MAPK14: variants seen among roughly 807,000 people sequenced by gnomAD.
The protein encoded by MAPK14 is mitogen-activated protein kinase 14, also known as CSAID-binding protein.
Under a neutral mutation model 49.6 loss-of-function variants are expected in MAPK14, and 16 were observed. The observed-to-expected ratio is 0.32, with a 90% CI of 0.22 to 0.49. The LOEUF (loss-of-function observed/expected upper bound fraction) is 0.49, where lower values mean the gene tolerates loss of function less well. Among genes scored for constraint, MAPK14 ranks in the 20% least tolerant of loss-of-function variants. The pLI is 0.99. For missense variants in MAPK14, 200 were observed against 441.2 expected, an observed-to-expected ratio of 0.45 and a Z score of 4.90; for synonymous variants, 142 against 158.0, an observed-to-expected ratio of 0.90 and a Z score of 0.76.
chr6:36,075,785 G>GTT, intron 6 of MAPK14, 63 bp from the exon 7 acceptor site: 1 of 1,580,464 alleles, frequency 6.3e-7, no homozygotes. Context: ...TTGTTGTTTT[G>GTT]TTTTTTTTTC....
chr6:36,101,279 A>C (rs1275079589), intron 9 of MAPK14, among the ~76,000 whole-genome samples: 1 of 152,052 alleles, frequency 6.6e-6, no homozygotes, highest in Non-Finnish European at 1.5e-5. Context: ...AGCTCTACAA[A>C]AAAATTTAAA....
intron 3 of MAPK14, among the ~76,000 whole-genome samples, chr6:36,059,856 G>A (rs6934216): frequency 0.14 from 21,268 of 152,104 alleles, 1,825 homozygotes; most frequent in African/African-American, 0.24. Context: ...GAAATGTAAC[G>A]GATCCCCAGC....
At chr6:36,113,776 G>C (rs116028316), downstream of MAPK14, among the ~76,000 whole-genome samples, 1,657 of 152,302 alleles carry the variant, frequency 0.011, 23 homozygotes, top group African/African-American at 0.035. Context: ...TGAGAAAGGT[G>C]TTTAAAAGTC....
At chr6:36,104,831 T>C (rs1469123863) in intron 10 of MAPK14, among the ~76,000 whole-genome samples, 1 of 152,154 alleles carries the variant, frequency 6.6e-6, no homozygotes, top group Non-Finnish European at 1.5e-5. Flanking sequence ...AGAGGGGAGA[T>C]ATTTGTGTTC....
In MAPK14 at chr6:36,076,854, G is replaced by A. The variant is rs7341337; in HGVS notation, c.682+246G>A. 3,224 of 363,788 alleles carry A rather than the reference G, an allele frequency of 8.9e-3. 93 individuals are homozygous for A. Among genetic ancestry groups the A allele is most frequent in the African/African-American group, 0.061 (2,869 of 47,356 alleles). The allele number at this position is 363,788 out of a possible 1,614,324, so 22.5% of individuals were successfully genotyped here. The stretch of plus-strand genomic sequence containing the variant: ...AACCCATCAAGTCTGTCTTCTTTTT[G>A]CAACAGTCCCTTATTAATCATCCCA... On this transcript the variant is annotated intron_variant, in intron 8 of 11. Transcript: ENST00000229794.
chr6:36,073,533 T>C (rs547940674), intron 4 of MAPK14, among the ~76,000 whole-genome samples, 158 bp from the exon 5 acceptor site: 1 of 152,220 alleles, frequency 6.6e-6, no homozygotes, highest in Non-Finnish European at 1.5e-5. Flanking sequence ...ATTATAGTAA[T>C]GGTAAATGTA....
At chr6:36,091,600 T>TAA (rs1765232077) in intron 8 of MAPK14, among the ~76,000 whole-genome samples, 2 of 152,252 alleles carry the variant, frequency 1.3e-5, no homozygotes, top group African/African-American at 2.4e-5. Flanking sequence ...AGTGGCCTTA[T>TAA]AGTAGCTGGT....
Position 36,102,444 on chromosome 6 carries a change from CAGTT to C in MAPK14, c.763-124_763-121del, listed in dbSNP as rs1581850353. Reference sequence around the variant, plus strand: ...AGTAAGGGAGAAGTTCTATCAAAGACAGTTAGAAACACTGAAGTTAGTGGACTTT... The same window carrying C: ...AGTAAGGGAGAAGTTCTATCAAAGACAGAAACACTGAAGTTAGTGGACTTT... On this transcript the variant is annotated intron_variant, in intron 9 of 11. Transcript: ENST00000229794. 20 of 657,098 alleles carry C rather than the reference CAGTT, an allele frequency of 3.0e-5. No homozygotes were observed. The East Asian group carries it at 4.3e-4, about 14-fold the overall frequency. The allele number at this position is 657,098 out of a possible 1,614,324, so 40.7% of individuals were successfully genotyped here. A position where few individuals can be genotyped will look rare whatever the true frequency, so the allele number is the denominator to read the frequency against.
rs1327620071 is a variant in MAPK14, at chr6:36,109,556, TGAACACAATTGATACTTCAG to T, written c.*1111_*1130del. On this transcript the variant is annotated 3_prime_UTR_variant, in exon 12 of 12. Coordinates refer to ENST00000229794, the MANE Select transcript of MAPK14 (RefSeq NM_139012.3). Reference sequence around the variant, plus strand: ...TTCAGCCCCTAGTGCTATTCTGTGTTGAACACAATTGATACTTCAGGTGCTTTTGATGTGAAAATCATGAA... The same window carrying T: ...TTCAGCCCCTAGTGCTATTCTGTGTTGTGCTTTTGATGTGAAAATCATGAA... 6.6e-6 allele frequency: 1 copy of T among 152,666 alleles called. No individual in the cohort carries two copies. Among genetic ancestry groups the T allele is most frequent in the Non-Finnish European group, 1.5e-5 (1 of 68,040 alleles). 9.5% of individuals were successfully genotyped at this position (152,666 alleles called of 1,614,324 possible). A position where few individuals can be genotyped will look rare whatever the true frequency, so the allele number is the denominator to read the frequency against.
intron 1 of MAPK14, among the ~76,000 whole-genome samples, chr6:36,032,851 AG>A (rs1166321161): frequency 6.6e-6 from 1 of 152,270 alleles, no homozygotes; most frequent in African/African-American, 2.4e-5. Context: ...CTTTGGTAAA[AG>A]GATAGCAAAA....
At chr6:36,034,837 A>G (rs963876514) in intron 1 of MAPK14, among the ~76,000 whole-genome samples, 4 of 150,624 alleles carry the variant, frequency 2.7e-5, no homozygotes, top group African/African-American at 9.8e-5. Context: ...TTCCAAAAGC[A>G]TGTGCTCACT....
At chr6:36,039,567 A>G (rs948473229) in intron 1 of MAPK14, among the ~76,000 whole-genome samples, 3 of 152,174 alleles carry the variant, frequency 2.0e-5, no homozygotes, top group African/African-American at 7.2e-5. Flanking sequence ...TGTAGACACC[A>G]CACAATCTGA....
intron 10 of MAPK14, among the ~76,000 whole-genome samples, chr6:36,105,945 T>C (rs1420034673): frequency 6.6e-6 from 1 of 152,210 alleles, no homozygotes; most frequent in African/African-American, 2.4e-5. Context: ...TTAGACAAAT[T>C]ACCATTTTGT....
chr6:36,046,417 A>G (rs539370324), intron 1 of MAPK14, among the ~76,000 whole-genome samples: 1 of 152,336 alleles, frequency 6.6e-6, no homozygotes, highest in African/African-American at 2.4e-5. Context: ...CTACTTTTAC[A>G]GATGTGATTG....
intron 2 of MAPK14, among the ~76,000 whole-genome samples, chr6:36,056,041 G>C (rs922231449): frequency 6.6e-6 from 1 of 151,942 alleles, no homozygotes. Context: ...CCCTTTTTAG[G>C]AAATTAAAAT....
At chr6:36,062,950 G>A (rs1014504477) in intron 3 of MAPK14, among the ~76,000 whole-genome samples, 5 of 152,086 alleles carry the variant, frequency 3.3e-5, no homozygotes, top group South Asian at 4.1e-4. Context: ...GAGCCACCGC[G>A]CCTGGCCTAC....
chr6:36,111,769 T>C (rs1009213996), downstream of MAPK14, among the ~76,000 whole-genome samples: 2 of 152,090 alleles, frequency 1.3e-5, no homozygotes, highest in Non-Finnish European at 2.9e-5. Context: ...TGGGTTTTTG[T>C]CCAGGCCCTG....
intron 1 of MAPK14, among the ~76,000 whole-genome samples, chr6:36,045,215 A>G (rs1419788579): frequency 1.3e-5 from 2 of 152,186 alleles, no homozygotes; most frequent in Non-Finnish European, 2.9e-5. Flanking sequence ...TTACGACAGC[A>G]ATCTGTACTG....
At chr6:36,056,758 T>C (rs1257364256) in intron 2 of MAPK14, among the ~76,000 whole-genome samples, 1 of 152,238 alleles carries the variant, frequency 6.6e-6, no homozygotes, top group Non-Finnish European at 1.5e-5. Flanking sequence ...TTTAAACTTT[T>C]CTATTGTTTT....
Sources: allele counts gnomAD v4.1 joint callset (sites outside exome capture counted in the v4.1 genomes callset), GRCh38; gene constraint gnomAD v4.1.1; transcripts MANE v1.5; gene names NCBI Gene and HGNC (gene_info 2026-07-23, HGNC 2026-07-21).